BRWD1: variants seen among roughly 807,000 people sequenced by gnomAD.
BRWD1 encodes bromodomain and WD repeat-containing protein 1.
A neutral mutation model predicts 251.2 loss-of-function variants in BRWD1; 82 were observed. The ratio of observed to expected loss-of-function variants is 0.33; its 90% CI spans 0.27 to 0.39. The LOEUF (loss-of-function observed/expected upper bound fraction) is 0.39. Ranked by LOEUF, BRWD1 falls within the 10% of genes least tolerant of loss-of-function variation. The pLI, the probability that BRWD1 is intolerant of heterozygous loss-of-function variation, is 1.00. For synonymous variants in BRWD1, 918 were observed against 902.8 expected, an observed-to-expected ratio of 1.02 and a Z score of -0.30; for missense variants, 2,233 against 2,711.6, an observed-to-expected ratio of 0.82 and a Z score of 3.92.
chr21:39,219,479 A>T (rs1319269401), intron 29 of BRWD1: 1 of 152,236 alleles, frequency 6.6e-6, no homozygotes, highest in Admixed American at 6.5e-5. Flanking sequence ...ATTGAATAGT[A>T]GTTCTAACAT....
intron 8 of BRWD1, among the ~76,000 whole-genome samples, chr21:39,286,671 T>C (rs1336631931): frequency 4.6e-5 from 7 of 151,914 alleles, no homozygotes; most frequent in Non-Finnish European, 8.8e-5. Flanking sequence ...CCCGCCACCA[T>C]GCCCGGCTAA....
Position 39,292,750 on chromosome 21 carries a change from A to G in BRWD1, c.831+1061T>C, listed in dbSNP as rs956115448. On this transcript the variant is annotated intron_variant, in intron 8 of 40. Coordinates refer to ENST00000342449, the MANE Select transcript of BRWD1 (RefSeq NM_033656.4). ...CCTTCAACGAAGAAACTGCAAGCGA[A>G]TTTTTTTTAAACTGCATAGATAGGT... is the stretch of plus-strand genomic sequence containing the variant. 2.0e-5 allele frequency among the ~76,000 whole-genome samples: 3 copies of G among 152,116 alleles called. No homozygotes were observed. In the South Asian group the frequency reaches 6.2e-4, roughly 32 times the overall value.
rs200955801 is a variant in BRWD1, at chr21:39,202,458, T to C, written c.4452A>G (p.Thr1484=). The change falls in exon 38 of 41, where the codon ACA becomes ACG. Residue 1484 remains threonine (T), a synonymous_variant. Transcript: ENST00000342449. ...GSPTQSTSSR[T]AYLGTHKTSA... ...TTGTCTTGTGGGTTCCAAGATAAGC[T>C]GTCCTACTTGAGGTAGACTGGGTAG... 2 of 1,614,120 alleles carry C rather than the reference T, an allele frequency of 1.2e-6. No homozygotes were observed. Among genetic ancestry groups the C allele is most frequent in the Admixed American group, 3.3e-5 (2 of 60,014 alleles).
chr21:39,247,443 A>G (rs11701784), intron 21 of BRWD1, among the ~76,000 whole-genome samples: 3,461 of 152,340 alleles, frequency 0.023, 67 homozygotes, highest in Non-Finnish European at 0.034. Context: ...TTATATACAG[A>G]AAGTTTCAGA....
At chr21:39,247,862 A>G in intron 20 of BRWD1, 30 bp from the exon 21 acceptor site, 2 of 1,571,106 alleles carry the variant, frequency 1.3e-6, no homozygotes, top group Non-Finnish European at 1.7e-6. Flanking sequence ...GCGAATGAAA[A>G]TCAACACCTA....
intron 15 of BRWD1, among the ~76,000 whole-genome samples, chr21:39,267,155 T>C (rs542258385): frequency 1.4e-4 from 21 of 152,298 alleles, no homozygotes; most frequent in African/African-American, 5.1e-4. Context: ...TAATTGTCTA[T>C]TTGTACTTTG....
At chr21:39,258,174 T>C (rs959284708) in intron 18 of BRWD1, among the ~76,000 whole-genome samples, 1 of 152,206 alleles carries the variant, frequency 6.6e-6, no homozygotes, top group African/African-American at 2.4e-5. Flanking sequence ...AAATTACCAA[T>C]GTTAAAGCAA....
chr21:39,234,611 A>G (rs1177989747), intron 23 of BRWD1, among the ~76,000 whole-genome samples: 3 of 152,158 alleles, frequency 2.0e-5, no homozygotes, highest in Non-Finnish European at 4.4e-5. Context: ...GAAAACTCAC[A>G]CCCCACTCAA....
At chr21:39,314,606 A>T, upstream of BRWD1, 1 of 342,786 alleles carries the variant, frequency 2.9e-6, no homozygotes, top group South Asian at 2.2e-5. Context: ...TGACCTAACT[A>T]TGAGTTTCCT....
chr21:39,267,851 A>C (rs992661272), intron 15 of BRWD1, among the ~76,000 whole-genome samples: 1 of 152,194 alleles, frequency 6.6e-6, no homozygotes, highest in Non-Finnish European at 1.5e-5. Flanking sequence ...CTTCTCAGAC[A>C]GGCTGAATTT....
chr21:39,300,802 A>C (rs1359951499), intron 4 of BRWD1, among the ~76,000 whole-genome samples: 4 of 152,216 alleles, frequency 2.6e-5, no homozygotes, highest in Admixed American at 6.5e-5. Flanking sequence ...CTTAGCTGTT[A>C]TTTCTTCAAA....
intron 4 of BRWD1, among the ~76,000 whole-genome samples, chr21:39,305,611 T>C (rs1022240693): frequency 1.6e-4 from 25 of 152,064 alleles, no homozygotes; most frequent in African/African-American, 5.8e-4. Context: ...ACACCTGTAA[T>C]TCCAGCACTT....
At position 39,194,919 on chromosome 21, in the gene BRWD1, A is replaced by C; in HGVS notation, c.*1340T>G. The C allele has an allele frequency of 6.6e-7, 1 of 1,504,492 alleles. No homozygotes were observed. Among genetic ancestry groups the C allele is most frequent in the Non-Finnish European group, 8.8e-7 (1 of 1,131,790 alleles). 93.2% of individuals were successfully genotyped at this position (1,504,492 alleles called of 1,614,324 possible). ...AAATAACTTACAGGTGGGGTACTGT[A>C]ACATATCCCTTACCCACTAAATATG... is the stretch of plus-strand genomic sequence containing the variant. On this transcript the variant is annotated 3_prime_UTR_variant, in exon 41 of 41. Coordinates refer to ENST00000342449, the MANE Select transcript of BRWD1 (RefSeq NM_033656.4).
chr21:39,230,488 CT>C, intron 25 of BRWD1, among the ~76,000 whole-genome samples: 1 of 152,318 alleles, frequency 6.6e-6, no homozygotes, highest in African/African-American at 2.4e-5. Context: ...GGATAGGTTC[CT>C]GCAAAATTCT....
chr21:39,318,004 G>A (rs2036715103), upstream of BRWD1, among the ~76,000 whole-genome samples: 1 of 152,132 alleles, frequency 6.6e-6, no homozygotes, highest in African/African-American at 2.4e-5. Context: ...AAGCTATGGT[G>A]GTACCACTGT....
upstream of BRWD1, chr21:39,314,464 C>G (rs2036651956): frequency 2.6e-6 from 1 of 385,944 alleles, no homozygotes; most frequent in Admixed American, 3.1e-5. Context: ...AGACGGGCCG[C>G]AGACCCTCCT....
downstream of BRWD1, chr21:39,185,300 A>G (rs1398031153): frequency 6.2e-5 from 3 of 48,538 alleles, no homozygotes; most frequent in Non-Finnish European, 1.2e-4. Flanking sequence ...ATTGCTAAAA[A>G]AAAAAAAAAA....
chr21:39,254,322 T>C (rs926339531), intron 19 of BRWD1, among the ~76,000 whole-genome samples: 2 of 152,214 alleles, frequency 1.3e-5, no homozygotes, highest in Non-Finnish European at 2.9e-5. Flanking sequence ...TAATTTCAGA[T>C]ATAGGTCAAA....
At position 39,228,577 on chromosome 21, in the gene BRWD1, T is replaced by G; in HGVS notation, c.3131A>C (p.His1044Pro). The G allele has an allele frequency of 1.9e-6, 3 of 1,607,868 alleles. No individual in the cohort carries two copies. The highest frequency in any genetic ancestry group is 2.6e-6 in the Non-Finnish European group (3 of 1,174,892). ...AAAGTCAATAACATCTGGCATATCA[T>G]GATATCTAGACAAAAATTTAAAAAA... ...LMDKSFSIRY[H>P]DMPDVIDFLV... The change falls in exon 27 of 41, where the codon CAT (histidine) becomes CCT (proline). Residue 1044 changes from histidine (H) to proline (P), a missense_variant. Physicochemically the swap from His to Pro is moderately conservative, Grantham distance 77 (BLOSUM62 -2). Coordinates refer to ENST00000342449, the MANE Select transcript of BRWD1 (RefSeq NM_033656.4).
Sources: allele counts gnomAD v4.1 joint callset (sites outside exome capture counted in the v4.1 genomes callset), GRCh38; gene constraint gnomAD v4.1.1; transcripts MANE v1.5; gene names NCBI Gene and HGNC (gene_info 2026-07-23, HGNC 2026-07-21).